The following ASB5 variants were observed in gnomAD, a reference collection of about 807,000 sequenced individuals.
The protein encoded by ASB5 is ankyrin repeat and SOCS box containing 5.
ASB5 carries 45 observed loss-of-function variants against 42.1 expected under a neutral mutation model. That is an observed-to-expected ratio of 1.07 (90% confidence interval 0.84 to 1.37). ASB5 has a LOEUF of 1.37. Among genes scored for constraint, ASB5 ranks in the 40% most tolerant of loss-of-function variants. The pLI is 0.00. For missense variants in ASB5, 402 were observed against 399.8 expected (o/e 1.01, Z -0.05); for synonymous variants, 147 against 150.6 (o/e 0.98, Z 0.18).
chr4:176,218,000 G>T (rs1276106939), intron 5 of ASB5, among the ~76,000 whole-genome samples: 1 of 150,762 alleles, frequency 6.6e-6, no homozygotes, highest in Non-Finnish European at 1.5e-5. Flanking sequence ...AATGTTTCGT[G>T]AAAAAATTAT....
rs71597433 is a variant in ASB5 at position 176,219,575 on chromosome 4, GATATATATATAT to G, written c.670+1568_670+1579del. 3.3e-3 allele frequency among the ~76,000 whole-genome samples: 20 copies of G among 5,998 alleles called. 4 individuals are homozygous for G. The highest frequency in any genetic ancestry group is 4.4e-3 in the Non-Finnish European group (14 of 3,156). The allele number at this position is 5,998 out of a possible 152,430, so 3.9% of individuals were successfully genotyped here. ...TATATAAATATGTATATATTTGTAT[GATATATATATAT>G]ATATATATATATATATATATATATA... On this transcript the variant is annotated intron_variant, in intron 5 of 6. Coordinates refer to ENST00000296525, the MANE Select transcript of ASB5 (RefSeq NM_080874.4).
intron 2 of ASB5, among the ~76,000 whole-genome samples, chr4:176,223,958 T>C (rs1018513418): frequency 5.0e-4 from 76 of 152,192 alleles, no homozygotes; most frequent in African/African-American, 1.4e-3. Flanking sequence ...CATCAAGTGA[T>C]GAACAAAACA....
At chr4:176,249,504 C>G (rs1198658623) in intron 1 of ASB5, 1 of 152,080 alleles carries the variant, frequency 6.6e-6, no homozygotes, top group Admixed American at 6.5e-5. Flanking sequence ...AACCTGCAGT[C>G]TTAGTGGGAC....
At position 176,221,558 on chromosome 4, in the gene ASB5, C is replaced by T. The variant is rs1561252429; in HGVS notation, c.427G>A (p.Ala143Thr). 1.9e-6 allele frequency: 3 copies of T among 1,613,478 alleles called. No homozygotes were observed. The highest frequency in any genetic ancestry group is 2.5e-6 in the Non-Finnish European group (3 of 1,179,588). Residue 143 changes from alanine (A) to threonine (T), a missense_variant, in exon 4 of 7, where the codon GCA (alanine) becomes ACA (threonine). Coordinates refer to ENST00000296525, the MANE Select transcript of ASB5 (RefSeq NM_080874.4). ...TIDGVTPLFN[A>T]CSQGSPSCAE... Reference sequence around the variant, plus strand: ...CAGCTTGGACTGCCTTGGGAGCATGCGTTGAATAACGGAGTCACGCCATCT... The same window carrying T: ...CAGCTTGGACTGCCTTGGGAGCATGTGTTGAATAACGGAGTCACGCCATCT...
intron 6 of ASB5, 45 bp from the exon 7 acceptor site, chr4:176,215,772 AT>A: frequency 1.3e-6 from 2 of 1,555,980 alleles, no homozygotes; most frequent in African/African-American, 1.4e-5. Flanking sequence ...ATAGAAATGA[AT>A]TTTTTATGTT....
chr4:176,225,402 C>T, intron 1 of ASB5, 61 bp from the exon 2 acceptor site: 1 of 1,355,138 alleles, frequency 7.4e-7, no homozygotes, highest in Non-Finnish European at 1.1e-6. Flanking sequence ...AAGTGAATCC[C>T]AGTAGACACA....
At chr4:176,217,902 T>C (rs536342790) in intron 5 of ASB5, among the ~76,000 whole-genome samples, 3 of 152,060 alleles carry the variant, frequency 2.0e-5, no homozygotes, top group African/African-American at 7.2e-5. Context: ...CATGAAGCAG[T>C]ACAGTTAAAG....
intron 1 of ASB5, among the ~76,000 whole-genome samples, chr4:176,262,505 T>C (rs1754283534): frequency 6.6e-6 from 1 of 152,214 alleles, no homozygotes; most frequent in Non-Finnish European, 1.5e-5. Context: ...ATTGTTAGTA[T>C]GGCTTCTGTG....
At chr4:176,221,658 C>T (rs1317963421) in intron 3 of ASB5, 58 bp from the exon 4 acceptor site, 1 of 1,440,834 alleles carries the variant, frequency 6.9e-7, no homozygotes, top group Non-Finnish European at 9.5e-7. Flanking sequence ...GAGTAACCGA[C>T]TTAGGCATTG....
chr4:176,235,453 T>C (rs1401213321), intron 1 of ASB5, among the ~76,000 whole-genome samples: 1 of 152,196 alleles, frequency 6.6e-6, no homozygotes, highest in African/African-American at 2.4e-5. Flanking sequence ...CTGATTTGTT[T>C]TCATTTAAGA....
At chr4:176,238,545 G>A (rs568326068) in intron 1 of ASB5, among the ~76,000 whole-genome samples, 4 of 152,264 alleles carry the variant, frequency 2.6e-5, no homozygotes, top group South Asian at 2.1e-4. Context: ...AGCAGCGACC[G>A]AACTATGATA....
chr4:176,249,952 CT>C lies in ASB5; in HGVS notation c.196+18960del, dbSNP rs1168540934. 3.3e-5 allele frequency among the ~76,000 whole-genome samples: 5 copies of C among 151,512 alleles called. No individual in the cohort carries two copies. The East Asian group carries it at 9.7e-4, about 29-fold the overall frequency. ...TGGTGACGGGCGCCTGTAGTCCCAG[CT>C]ACTCGGGAGGCTGAGGCAGGAGAAT... On this transcript the variant is annotated intron_variant, in intron 1 of 6. Transcript: ENST00000296525.
upstream of ASB5, among the ~76,000 whole-genome samples, chr4:176,272,304 T>C (rs1005839161): frequency 3.9e-5 from 6 of 152,168 alleles, no homozygotes; most frequent in Non-Finnish European, 8.8e-5. Flanking sequence ...GCAACTGCTT[T>C]TAATGGCAAA....
At chr4:176,271,162 G>C (rs1267320968), upstream of ASB5, among the ~76,000 whole-genome samples, 1 of 152,050 alleles carries the variant, frequency 6.6e-6, no homozygotes, top group Non-Finnish European at 1.5e-5. Flanking sequence ...TTGTTTTTAT[G>C]AATTACTTGA....
chr4:176,239,573 CA>C (rs1753768488), intron 1 of ASB5, among the ~76,000 whole-genome samples: 1 of 152,128 alleles, frequency 6.6e-6, no homozygotes, highest in Admixed American at 6.5e-5. Flanking sequence ...GCACTCTGAT[CA>C]CAGAGACTGA....
At chr4:176,221,075 T>A in intron 5 of ASB5, 80 bp downstream of exon 5, 1 of 1,425,326 alleles carries the variant, frequency 7.0e-7, no homozygotes, top group South Asian at 1.7e-5. Flanking sequence ...TGAGATCTAA[T>A]TTTTAAAGAT....
chr4:176,221,058 T>C, intron 5 of ASB5, 97 bp downstream of exon 5: 1 of 1,367,044 alleles, frequency 7.3e-7, no homozygotes, highest in Non-Finnish European at 9.7e-7. Flanking sequence ...AGAACATTTT[T>C]TAGCAATGAG....
intron 1 of ASB5, chr4:176,241,696 G>A: frequency 7.8e-7 from 1 of 1,288,088 alleles, no homozygotes; most frequent in Non-Finnish European, 9.9e-7. Context: ...TGAGGTCTGA[G>A]AGTAAGCCTG....
chr4:176,253,272 TA>T, intron 1 of ASB5, among the ~76,000 whole-genome samples: 1 of 152,360 alleles, frequency 6.6e-6, no homozygotes, highest in Non-Finnish European at 1.5e-5. Context: ...ACAGATTTTT[TA>T]TTTCCAAAGG....
Sources: gnomAD v4.1 joint callset for allele counts (sites outside exome capture counted in the v4.1 genomes callset) on GRCh38, gnomAD v4.1.1 for gene constraint, MANE v1.5 for transcripts, NCBI Gene and HGNC (gene_info 2026-07-23, HGNC 2026-07-21) for gene names.